The following MDFIC variants were observed in gnomAD, a reference collection of about 807,000 sequenced individuals.
MDFIC encodes myoD family inhibitor domain-containing protein.
MDFIC carries 17 observed loss-of-function variants against 23.2 expected under a neutral mutation model. The observed-to-expected ratio is 0.73, with a 90% confidence interval of 0.50 to 1.10. The LOEUF is 1.10. MDFIC is among the 50% of genes least tolerant of loss of function. The pLI, the probability that MDFIC is intolerant of heterozygous loss-of-function variation, is 0.00. For missense variants in MDFIC, 356 were observed against 316.6 expected, an observed-to-expected ratio of 1.12 and a Z score of -0.95; for synonymous variants, 120 against 115.2, an observed-to-expected ratio of 1.04 and a Z score of -0.27.
At chr7:114,922,694 C>A in intron 1 of MDFIC, 58 bp downstream of exon 1, 9 of 1,349,446 alleles carry the variant, frequency 6.7e-6, no homozygotes, top group Non-Finnish European at 8.6e-6. Flanking sequence ...CCCCGGGGTT[C>A]TCCCAAACCC....
chr7:114,941,891 A>T (rs1051768798), intron 2 of MDFIC, among the ~76,000 whole-genome samples: 7 of 152,114 alleles, frequency 4.6e-5, no homozygotes, highest in African/African-American at 1.7e-4. Context: ...TCTACCACTC[A>T]TCAGAGCTTC....
chr7:114,928,513 C>A (rs1441404426), intron 2 of MDFIC, among the ~76,000 whole-genome samples: 1 of 152,150 alleles, frequency 6.6e-6, no homozygotes, highest in Non-Finnish European at 1.5e-5. Context: ...TTGTAGGACT[C>A]AGTTCTGTGG....
chr7:114,983,318 T>A (rs1793450118), intron 4 of MDFIC, among the ~76,000 whole-genome samples: 1 of 150,484 alleles, frequency 6.6e-6, no homozygotes, highest in Non-Finnish European at 1.5e-5. Flanking sequence ...TGGAATAACA[T>A]TTTTTTTGGT....
chr7:114,950,373 T>C (rs1458497579), intron 3 of MDFIC, among the ~76,000 whole-genome samples: 1 of 152,142 alleles, frequency 6.6e-6, no homozygotes, highest in African/African-American at 2.4e-5. Context: ...CAAGTGATAG[T>C]TGTGATGAAA....
chr7:114,929,247 C>G (rs1792262035), intron 2 of MDFIC, among the ~76,000 whole-genome samples: 1 of 152,266 alleles, frequency 6.6e-6, no homozygotes, highest in African/African-American at 2.4e-5. Context: ...GCTGGGACTA[C>G]AGGCGTGTGC....
In MDFIC at chr7:114,942,919, C is replaced by G. The variant is rs1225150900; in HGVS notation, c.217+522C>G. On this transcript the variant is annotated intron_variant, in intron 3 of 4. Transcript: ENST00000393486. Reference sequence around the variant, plus strand: ...CTTTGAATGCCCTGCAATACCTTGTCTTTTGGGTGCTGATCAGAATGCTGA... The same window carrying G: ...CTTTGAATGCCCTGCAATACCTTGTGTTTTGGGTGCTGATCAGAATGCTGA... 2.0e-5 allele frequency among the ~76,000 whole-genome samples: 3 copies of G among 152,288 alleles called. No homozygotes were observed. The East Asian group carries it at 5.8e-4, about 29-fold the overall frequency.
chr7:115,013,145 G>A (rs775609994), intron 4 of MDFIC, among the ~76,000 whole-genome samples: 29 of 152,052 alleles, frequency 1.9e-4, no homozygotes, highest in East Asian at 1.2e-3. Context: ...AGCAATTTGC[G>A]GAGTATAGTT....
At chr7:114,984,176 T>C (rs906023078) in intron 4 of MDFIC, among the ~76,000 whole-genome samples, 3 of 152,192 alleles carry the variant, frequency 2.0e-5, no homozygotes, top group Non-Finnish European at 4.4e-5. Context: ...GTTACAGCTG[T>C]GGGCCAAGCA....
At chr7:114,967,077 T>A (rs1793112677) in intron 3 of MDFIC, among the ~76,000 whole-genome samples, 1 of 152,216 alleles carries the variant, frequency 6.6e-6, no homozygotes, top group African/African-American at 2.4e-5. Flanking sequence ...AATACTTTTC[T>A]TTGTTTAAAT....
chr7:114,968,812 G>A (rs758959647), intron 3 of MDFIC, among the ~76,000 whole-genome samples: 1 of 152,168 alleles, frequency 6.6e-6, no homozygotes, highest in Non-Finnish European at 1.5e-5. Flanking sequence ...TTTTGGAAAT[G>A]TATAATAATA....
At chr7:115,014,385 G>A in intron 4 of MDFIC, 6 of 1,288,498 alleles carry the variant, frequency 4.7e-6, no homozygotes, top group Non-Finnish European at 6.1e-6. Flanking sequence ...GCATTCTATA[G>A]AGAAGCGCAT....
chr7:114,942,443 A>G, intron 3 of MDFIC, 46 bp downstream of exon 3: 1 of 1,411,478 alleles, frequency 7.1e-7, no homozygotes. Flanking sequence ...GGATATGACT[A>G]TGGTAATATA....
At chr7:114,984,056 C>A in intron 4 of MDFIC, among the ~76,000 whole-genome samples, 1 of 152,122 alleles carries the variant, frequency 6.6e-6, no homozygotes, top group East Asian at 1.9e-4. Context: ...CTCAGACATT[C>A]TGGTTCCACA....
intron 4 of MDFIC, among the ~76,000 whole-genome samples, chr7:114,999,073 C>T (rs1473912404): frequency 1.3e-5 from 2 of 151,924 alleles, no homozygotes; most frequent in African/African-American, 4.8e-5. Flanking sequence ...TTCCTCTCTT[C>T]TCTCATTTCT....
intron 1 of MDFIC, 81 bp from the exon 2 acceptor site, chr7:114,922,846 G>T: frequency 6.9e-7 from 1 of 1,456,902 alleles, no homozygotes; most frequent in Non-Finnish European, 9.2e-7. Context: ...GGGAAGTGGA[G>T]GGGGAGGGAA....
At chr7:114,946,674 T>A (rs1188661457) in intron 3 of MDFIC, among the ~76,000 whole-genome samples, 1 of 152,232 alleles carries the variant, frequency 6.6e-6, no homozygotes, top group Non-Finnish European at 1.5e-5. Flanking sequence ...GAAGAGTTTT[T>A]AGCTCTCATA....
At chr7:114,943,405 AAAC>A (rs1484809877) in intron 3 of MDFIC, among the ~76,000 whole-genome samples, 3 of 152,150 alleles carry the variant, frequency 2.0e-5, no homozygotes, top group East Asian at 3.9e-4. Flanking sequence ...AGGAGAAAAT[AAAC>A]AACAACAATA....
intron 4 of MDFIC, among the ~76,000 whole-genome samples, chr7:115,008,420 T>C (rs1206015137): frequency 6.6e-6 from 1 of 152,174 alleles, no homozygotes; most frequent in Non-Finnish European, 1.5e-5. Flanking sequence ...AGCTTTTCTC[T>C]AACTTTCTTT....
chr7:114,923,759 T>C, intron 2 of MDFIC: 3 of 908,046 alleles, frequency 3.3e-6, no homozygotes, highest in Non-Finnish European at 4.5e-6. Context: ...AACAAGCTTC[T>C]AAACGAGTTG....
Sources: gnomAD v4.1 joint callset for allele counts (sites outside exome capture counted in the v4.1 genomes callset) on GRCh38, gnomAD v4.1.1 for gene constraint, MANE v1.5 for transcripts, NCBI Gene and HGNC (gene_info 2026-07-23, HGNC 2026-07-21) for gene names.